LEMD3: variants seen among roughly 807,000 people sequenced by gnomAD.
LEMD3 encodes the protein inner nuclear membrane protein Man1.
In LEMD3, 33 loss-of-function variants were observed where a neutral mutation model predicts 95.2. The ratio of observed to expected loss-of-function variants is 0.35; its 90% CI spans 0.26 to 0.46. The LOEUF (loss-of-function observed/expected upper bound fraction) is 0.46, where lower values mean the gene tolerates loss of function less well. Among genes scored for constraint, LEMD3 ranks in the 20% least tolerant of loss-of-function variants. The pLI, the probability that LEMD3 is intolerant of heterozygous loss-of-function variation, is 1.00. For synonymous variants in LEMD3, 525 were observed against 474.6 expected (o/e 1.11, Z -1.38); for missense variants, 1,210 against 1,192.8 (o/e 1.01, Z -0.21).
chr12:65,243,746 C>T (rs905875860), intron 10 of LEMD3, among the ~76,000 whole-genome samples: 2 of 152,168 alleles, frequency 1.3e-5, no homozygotes, highest in African/African-American at 2.4e-5. Context: ...TAATGACTCA[C>T]AATGACAAAG....
In LEMD3 at chr12:65,181,543, G is replaced by A. The variant is rs188337852; in HGVS notation, c.1522+10425G>A. 1.9e-4 allele frequency among the ~76,000 whole-genome samples: 29 copies of A among 152,196 alleles called. No individual in the cohort carries two copies. In the East Asian group the frequency reaches 2.3e-3, roughly 12 times the overall value. ...ATCAGATTTATATATTGTGACTTGG[G>A]AAACATACTTTAAAAATTAGTTTCT... On this transcript the variant is annotated intron_variant, in intron 1 of 12. Transcript: ENST00000308330.
Position 65,170,692 on chromosome 12 carries a change from C to A in LEMD3, c.1096C>A (p.Pro366Thr). The part of the protein sequence containing the change: ...RYRVNAKKLT[P>T]LLPPPLTDMD... Reference sequence around the variant, plus strand: ...CCGTGTTAACGCTAAGAAACTGACCCCTCTCCTGCCCCCGCCACTTACTGA... The same window carrying A: ...CCGTGTTAACGCTAAGAAACTGACCACTCTCCTGCCCCCGCCACTTACTGA... The change falls in exon 1 of 13, where the codon CCT becomes ACT. Residue 366 changes from proline (P) to threonine (T), a missense_variant. Around this residue, in one of 2 missense-constraint regions of LEMD3, gnomAD observed 749 missense variants for 622.9 expected, o/e 1.20. Transcript: ENST00000308330. 1.9e-6 allele frequency: 3 copies of A among 1,614,232 alleles called. No homozygotes were observed. Among genetic ancestry groups the A allele is most frequent in the Non-Finnish European group, 2.5e-6 (3 of 1,180,042 alleles).
intron 4 of LEMD3, among the ~76,000 whole-genome samples, chr12:65,236,758 A>G (rs949711188): frequency 1.3e-4 from 20 of 152,278 alleles, no homozygotes; most frequent in African/African-American, 4.1e-4. Flanking sequence ...ATGTTCATTA[A>G]TAAGGTGTTG....
In LEMD3 at chr12:65,169,801, A is replaced by G. The variant is rs759189662; in HGVS notation, c.205A>G (p.Asn69Asp). The G allele has an allele frequency of 3.7e-5, 57 of 1,527,570 alleles. No individual in the cohort carries two copies. The highest frequency in any genetic ancestry group is 3.4e-4 in the East Asian group (14 of 41,474). 94.6% of individuals were successfully genotyped at this position (1,527,570 alleles called of 1,614,324 possible). A position where few individuals can be genotyped will look rare whatever the true frequency, so the allele number is the denominator to read the frequency against. Reference protein sequence around the residue: ...RGNKTRNSNNNNTAAATVAAA... With the variant: ...RGNKTRNSNNDNTAAATVAAA... The stretch of plus-strand genomic sequence containing the variant: ...CAACAAGACGCGGAACAGTAATAAC[A>G]ATAACACGGCAGCCGCCACGGTCGC... The change falls in exon 1 of 13, where the codon AAT becomes GAT. Residue 69 changes from asparagine to aspartate, a missense_variant. Transcript: ENST00000308330.
At chr12:65,186,588 A>T (rs980971141) in intron 1 of LEMD3, among the ~76,000 whole-genome samples, 1 of 151,260 alleles carries the variant, frequency 6.6e-6, no homozygotes, top group Non-Finnish European at 1.5e-5. Flanking sequence ...AAATGCATTT[A>T]AAAAAATAGG....
Position 65,170,604 on chromosome 12 carries a change from G to C in LEMD3, c.1008G>C (p.Glu336Asp). 1 of 1,614,034 alleles carries C rather than the reference G, an allele frequency of 6.2e-7. No homozygotes were observed. The highest frequency in any genetic ancestry group is 8.5e-7 in the Non-Finnish European group (1 of 1,179,936). ...GSLDRSRNLE[E>D]AAAAEQGGGC... Reference sequence around the variant, plus strand: ...TAGACAGGAGCCGAAACCTCGAAGAGGCGGCGGCCGCGGAGCAGGGAGGAG... The same window carrying C: ...TAGACAGGAGCCGAAACCTCGAAGACGCGGCGGCCGCGGAGCAGGGAGGAG... Residue 336 changes from glutamate to aspartate, a missense_variant, in exon 1 of 13, where the codon GAG becomes GAC. Coordinates refer to ENST00000308330, the MANE Select transcript of LEMD3 (RefSeq NM_014319.5).
At chr12:65,196,330 C>CA (rs921703902) in intron 1 of LEMD3, among the ~76,000 whole-genome samples, 2 of 151,298 alleles carry the variant, frequency 1.3e-5, no homozygotes, top group Admixed American at 6.6e-5. Context: ...TTCTGCACAC[C>CA]AAAAAAAACC....
chr12:65,197,027 A>G (rs1869455418), intron 1 of LEMD3, among the ~76,000 whole-genome samples: 1 of 152,176 alleles, frequency 6.6e-6, no homozygotes, highest in Non-Finnish European at 1.5e-5. Context: ...TAGCCTGAAC[A>G]CAGAAGTAAG....
At chr12:65,202,498 A>G (rs900423751) in intron 1 of LEMD3, among the ~76,000 whole-genome samples, 3 of 152,002 alleles carry the variant, frequency 2.0e-5, no homozygotes, top group South Asian at 2.1e-4. Flanking sequence ...GGAATTTGCT[A>G]TTTGCTGAAG....
chr12:65,200,944 G>A (rs1295899252), intron 1 of LEMD3, among the ~76,000 whole-genome samples: 1 of 152,090 alleles, frequency 6.6e-6, no homozygotes, highest in African/African-American at 2.4e-5. Flanking sequence ...TTGATATGTA[G>A]GTGTGTGATC....
At chr12:65,235,517 G>A (rs962455686) in intron 4 of LEMD3, among the ~76,000 whole-genome samples, 10 of 151,782 alleles carry the variant, frequency 6.6e-5, no homozygotes, top group African/African-American at 2.4e-4. Context: ...AAATCTTAGT[G>A]GCAATAAAAA....
rs754595680 is a variant in LEMD3, at chr12:65,241,060, A to T, written c.2278A>T (p.Ile760Leu). The change falls in exon 9 of 13, where the codon ATA becomes TTA. Residue 760 changes from isoleucine to leucine, a missense_variant. Ile to Leu is a conservative substitution (Grantham distance 5). Coordinates refer to ENST00000308330, the MANE Select transcript of LEMD3 (RefSeq NM_014319.5). The stretch of plus-strand genomic sequence containing the variant: ...TGCATCCTGTGACAAAATATTAGTT[A>T]TACCTTCTAAAGTATGGCAAGGTCA... Reference protein sequence around the residue: ...PSASCDKILVIPSKVWQGQAF... With the variant: ...PSASCDKILVLPSKVWQGQAF... 5 of 1,613,874 alleles carry T rather than the reference A, an allele frequency of 3.1e-6. No homozygotes were observed. The highest frequency in any genetic ancestry group is 1.7e-6 in the Non-Finnish European group (2 of 1,179,880).
At chr12:65,222,639 A>G (rs543480723) in intron 4 of LEMD3, among the ~76,000 whole-genome samples, 2 of 152,070 alleles carry the variant, frequency 1.3e-5, no homozygotes, top group African/African-American at 4.8e-5. Flanking sequence ...TAAATTCTCT[A>G]TTTAATTTAT....
rs5798774 is a variant in LEMD3, at chr12:65,227,735, A to ATT, written c.1695+9132_1695+9133dup. On this transcript the variant is annotated intron_variant, in intron 4 of 12. Coordinates refer to ENST00000308330, the MANE Select transcript of LEMD3 (RefSeq NM_014319.5). ...TTCTTAAAACATAAGAATTTTTGCG[A>ATT]TTTTTTTTTTTTTTTTTGGCTCATC... 8.5e-4 allele frequency among the ~76,000 whole-genome samples: 109 copies of ATT among 128,016 alleles called. 1 individual carries two copies. Among genetic ancestry groups the ATT allele is most frequent in the African/African-American group, 2.8e-3 (98 of 35,226 alleles). 84.0% of individuals were successfully genotyped at this position (128,016 alleles called of 152,430 possible).
chr12:65,245,294 C>T lies in LEMD3; in HGVS notation c.2388-375C>T, dbSNP rs571400349. ...TACAGACACCTGCCACCACGCCTGG[C>T]TAATTTTTTTTTTTTTTTGTATTTT... On this transcript the variant is annotated intron_variant, in intron 10 of 12. Coordinates refer to ENST00000308330, the MANE Select transcript of LEMD3 (RefSeq NM_014319.5). The T allele has an allele frequency of 1.3e-3, 247 of 188,298 alleles. 1 individual carries two copies. The highest frequency in any genetic ancestry group is 3.5e-3 in the South Asian group (44 of 12,444). The allele number at this position is 188,298 out of a possible 1,614,324, so 11.7% of individuals were successfully genotyped here.
At chr12:65,232,367 A>G (rs1870655543) in intron 4 of LEMD3, among the ~76,000 whole-genome samples, 1 of 152,174 alleles carries the variant, frequency 6.6e-6, no homozygotes, top group Admixed American at 6.5e-5. Flanking sequence ...TAAATAAACC[A>G]AAGAATGTGT....
chr12:65,228,555 C>G (rs1242064199), intron 4 of LEMD3, among the ~76,000 whole-genome samples: 2 of 151,984 alleles, frequency 1.3e-5, no homozygotes, highest in Non-Finnish European at 2.9e-5. Context: ...GCCACCACGC[C>G]TGGCTAATTT....
chr12:65,225,330 A>G (rs543781621), intron 4 of LEMD3, among the ~76,000 whole-genome samples: 21 of 152,356 alleles, frequency 1.4e-4, no homozygotes, highest in Middle Eastern at 3.4e-3. Flanking sequence ...AGAAATAAAA[A>G]AAACAGCCAC....
At chr12:65,212,409 C>T (rs773928172) in intron 2 of LEMD3, among the ~76,000 whole-genome samples, 5 of 151,934 alleles carry the variant, frequency 3.3e-5, no homozygotes, top group African/African-American at 7.3e-5. Flanking sequence ...TGGTGGCAGG[C>T]GCCTGTAGTC....
Sources: allele counts gnomAD v4.1 joint callset (sites outside exome capture counted in the v4.1 genomes callset), GRCh38; gene constraint gnomAD v4.1.1; regional missense constraint gnomAD v4.1.1; transcripts MANE v1.5; gene names NCBI Gene and HGNC (gene_info 2026-07-23, HGNC 2026-07-21).